The following COL24A1 variants were observed in gnomAD, a reference collection of about 807,000 sequenced individuals.
COL24A1 encodes collagen alpha-1(XXIV) chain.
In COL24A1, 224 loss-of-function variants were observed where a neutral mutation model predicts 253.9. The observed-to-expected ratio is 0.88, with a 90% CI of 0.79 to 0.99. The LOEUF (loss-of-function observed/expected upper bound fraction) is 0.99, where lower values mean the gene tolerates loss of function less well. Ranked by LOEUF, COL24A1 falls within the 50% of genes least tolerant of loss-of-function variation. The probability of loss-of-function intolerance (pLI) is 0.00; values close to 1 mark genes in which losing one functional copy is unlikely to be tolerated. For missense variants in COL24A1, 2,131 were observed against 2,068.5 expected (o/e 1.03, Z -0.59); for synonymous variants, 685 against 673.7 (o/e 1.02, Z -0.26).
chr1:86,139,297 T>G (rs1268937344), intron 2 of COL24A1, among the ~76,000 whole-genome samples: 1 of 151,968 alleles, frequency 6.6e-6, no homozygotes. Flanking sequence ...CATAACCAAG[T>G]CTTTGACTCT....
intron 10 of COL24A1, among the ~76,000 whole-genome samples, chr1:86,053,429 T>C (rs1700457570): frequency 6.6e-6 from 1 of 152,136 alleles, no homozygotes; most frequent in Admixed American, 6.5e-5. Flanking sequence ...TAGAGGTTTC[T>C]TGATCATCAT....
chr1:86,091,221 T>A (rs995067744), intron 6 of COL24A1, among the ~76,000 whole-genome samples: 9 of 152,108 alleles, frequency 5.9e-5, no homozygotes, highest in African/African-American at 2.2e-4. Flanking sequence ...AAATTTTAGA[T>A]TTAAAACATG....
chr1:86,089,816 G>A (rs556244023), intron 6 of COL24A1, among the ~76,000 whole-genome samples: 1 of 152,158 alleles, frequency 6.6e-6, no homozygotes, highest in African/African-American at 2.4e-5. Context: ...GTGAAACTCT[G>A]TCTCTGTCTC....
intron 53 of COL24A1, among the ~76,000 whole-genome samples, chr1:85,773,321 T>C (rs1164710022): frequency 6.6e-6 from 1 of 152,190 alleles, no homozygotes; most frequent in African/African-American, 2.4e-5. Context: ...CCAGCTTTAT[T>C]CTTCTTGCCC....
intron 12 of COL24A1, among the ~76,000 whole-genome samples, chr1:86,037,928 GCTGT>G: frequency 6.6e-6 from 1 of 151,986 alleles, no homozygotes; most frequent in South Asian, 2.1e-4. Flanking sequence ...ATTTTCTACT[GCTGT>G]CTACTTTCTA....
At chr1:85,871,541 C>T (rs1680490810) in intron 35 of COL24A1, among the ~76,000 whole-genome samples, 1 of 152,174 alleles carries the variant, frequency 6.6e-6, no homozygotes, top group Non-Finnish European at 1.5e-5. Flanking sequence ...GCTGGTTCAA[C>T]ATATGCGAAT....
intron 22 of COL24A1, among the ~76,000 whole-genome samples, chr1:85,966,890 T>C (rs1420112122): frequency 6.6e-6 from 1 of 152,066 alleles, no homozygotes; most frequent in African/African-American, 2.4e-5. Flanking sequence ...AAAGAAAAAA[T>C]AGGGTAACAC....
intron 10 of COL24A1, among the ~76,000 whole-genome samples, chr1:86,054,962 T>C (rs547497734): frequency 6.6e-6 from 1 of 152,192 alleles, no homozygotes; most frequent in South Asian, 2.1e-4. Flanking sequence ...TACAGTGCCA[T>C]AAAAATGAAC....
chr1:86,059,072 A>G, intron 9 of COL24A1, 49 bp downstream of exon 9: 1 of 1,274,012 alleles, frequency 7.8e-7, no homozygotes, highest in Non-Finnish European at 1.1e-6. Flanking sequence ...AATACAATGT[A>G]TTAATAAATA....
In COL24A1 at chr1:86,112,925, A is replaced by G. The variant is rs191000197; in HGVS notation, c.1546-305T>C. The stretch of plus-strand genomic sequence containing the variant: ...TTACCAATTAATTGTATATTGCCTC[A>G]GGACATTTCTTATACTGTTCTAATC... On this transcript the variant is annotated intron_variant, in intron 4 of 59. Transcript: ENST00000370571. 1.4e-3 allele frequency among the ~76,000 whole-genome samples: 220 copies of G among 152,298 alleles called. 1 individual carries two copies. Among genetic ancestry groups the G allele is most frequent in the African/African-American group, 5.1e-3 (214 of 41,554 alleles).
chr1:85,877,193 T>A lies in COL24A1; in HGVS notation c.2977-18A>T, dbSNP rs779993627. 1 of 1,571,572 alleles carries A rather than the reference T, an allele frequency of 6.4e-7. No homozygotes were observed. The highest frequency in any genetic ancestry group is 8.6e-7 in the Non-Finnish European group (1 of 1,159,128). ...CGCAGTCCCTATATTAAAATAAAAT[T>A]TAAGATATGAGAATAAAAGTTTACT... On this transcript the variant is annotated intron_variant, in intron 32 of 59. Transcript: ENST00000370571.
intron 24 of COL24A1, among the ~76,000 whole-genome samples, chr1:85,960,345 T>C (rs758137601): frequency 5.9e-5 from 9 of 152,190 alleles, no homozygotes; most frequent in Non-Finnish European, 1.0e-4. Flanking sequence ...AGTTCATTTG[T>C]TAGAGAATAT....
intron 14 of COL24A1, among the ~76,000 whole-genome samples, chr1:86,029,302 T>C (rs892957406): frequency 2.0e-5 from 3 of 152,214 alleles, no homozygotes; most frequent in African/African-American, 7.2e-5. Flanking sequence ...GCTTCAAATC[T>C]GGGCTCAAAC....
chr1:85,824,011 T>C (rs2101994531), intron 43 of COL24A1, among the ~76,000 whole-genome samples: 1 of 152,244 alleles, frequency 6.6e-6, no homozygotes, highest in East Asian at 1.9e-4. Flanking sequence ...AATGTTCGTC[T>C]ATGTCCCAAT....
chr1:85,956,180 A>G (rs1690449731), intron 24 of COL24A1, among the ~76,000 whole-genome samples: 1 of 152,236 alleles, frequency 6.6e-6, no homozygotes, highest in African/African-American at 2.4e-5. Flanking sequence ...CCTCATTTAT[A>G]GAATGCAATA....
chr1:86,059,648 A>G (rs1346868338), intron 8 of COL24A1, among the ~76,000 whole-genome samples: 1 of 152,214 alleles, frequency 6.6e-6, no homozygotes, highest in African/African-American at 2.4e-5. Flanking sequence ...CTGATTAAGT[A>G]AATGAATATT....
intron 24 of COL24A1, among the ~76,000 whole-genome samples, chr1:85,944,812 T>A (rs1445677827): frequency 1.3e-5 from 2 of 151,628 alleles, no homozygotes; most frequent in South Asian, 4.2e-4. Flanking sequence ...TGTGTTCTCA[T>A]TGTTCAATTC....
chr1:85,869,646 C>T (rs1317136952), intron 35 of COL24A1, among the ~76,000 whole-genome samples: 4 of 152,092 alleles, frequency 2.6e-5, no homozygotes, highest in Non-Finnish European at 5.9e-5. Flanking sequence ...CAAACAAATG[C>T]TGAGAGATTT....
chr1:85,865,917 A>G (rs1054341774), intron 37 of COL24A1, among the ~76,000 whole-genome samples: 2 of 152,160 alleles, frequency 1.3e-5, no homozygotes, highest in Non-Finnish European at 2.9e-5. Flanking sequence ...AAGGAAAAAT[A>G]TGGGGCCAAA....
Sources: allele counts gnomAD v4.1 joint callset (sites outside exome capture counted in the v4.1 genomes callset), GRCh38; gene constraint gnomAD v4.1.1; transcripts MANE v1.5; gene names NCBI Gene and HGNC (gene_info 2026-07-23, HGNC 2026-07-21).